SH3PXD2B: variants seen among roughly 807,000 people sequenced by gnomAD.
SH3PXD2B encodes SH3 and PX domains 2B, also known as SH3 and PX domain-containing protein 2B.
In SH3PXD2B, 37 loss-of-function variants were observed where a neutral mutation model predicts 73.1. The ratio of observed to expected loss-of-function variants is 0.51; its 90% CI spans 0.39 to 0.67. The LOEUF is 0.67. Among genes scored for constraint, SH3PXD2B ranks in the 30% least tolerant of loss-of-function variants. SH3PXD2B has a pLI of 0.00. For missense variants in SH3PXD2B, 1,053 were observed against 1,197.8 expected (o/e 0.88, Z 1.78); for synonymous variants, 457 against 480.5 (o/e 0.95, Z 0.64).
At chr5:172,409,049 T>C (rs369276269) in intron 2 of SH3PXD2B, among the ~76,000 whole-genome samples, 2 of 152,108 alleles carry the variant, frequency 1.3e-5, no homozygotes, top group African/African-American at 4.8e-5. Context: ...AACTATATAA[T>C]ACGCTATTGT....
chr5:172,434,277 A>T (rs1251716627), intron 1 of SH3PXD2B, among the ~76,000 whole-genome samples: 3 of 152,150 alleles, frequency 2.0e-5, no homozygotes, highest in Non-Finnish European at 4.4e-5. Flanking sequence ...ATATAAAAAG[A>T]TTTAAGCCAG....
chr5:172,336,204 CAT>C lies in SH3PXD2B; in HGVS notation c.*2163_*2164del, dbSNP rs1202869476. 2.8e-5 allele frequency: 28 copies of C among 985,452 alleles called. No homozygotes were observed. The highest frequency in any genetic ancestry group is 3.3e-5 in the Non-Finnish European group (27 of 830,016). The allele number at this position is 985,452 out of a possible 1,614,324, so 61.0% of individuals were successfully genotyped here. ...AGGCAAAGAGCAAATCAGAAAAAAACATGTGTTTTGTCTTTTGAAATGCAGTC... is the reference window on the plus strand; with the variant it reads ...AGGCAAAGAGCAAATCAGAAAAAAACGTGTTTTGTCTTTTGAAATGCAGTC... On this transcript the variant is annotated 3_prime_UTR_variant, in exon 13 of 13. Coordinates refer to ENST00000311601, the MANE Select transcript of SH3PXD2B (RefSeq NM_001017995.3).
intron 1 of SH3PXD2B, among the ~76,000 whole-genome samples, chr5:172,444,665 C>G (rs1213671209): frequency 2.0e-5 from 3 of 152,178 alleles, no homozygotes; most frequent in African/African-American, 4.8e-5. Flanking sequence ...TTCCCTCTCT[C>G]CCTCCATCTC....
rs1323842374 is a variant in SH3PXD2B at position 172,408,795 on chromosome 5, A to AT, written c.157-2444dup. On this transcript the variant is annotated intron_variant, in intron 2 of 12. Coordinates refer to ENST00000311601, the MANE Select transcript of SH3PXD2B (RefSeq NM_001017995.3). ...TGCCTCGGCCTCTCAAACTGCTGGGATTACAGACATGAGCCACCACGCCTG... is the reference window on the plus strand; with the variant it reads ...TGCCTCGGCCTCTCAAACTGCTGGGATTTACAGACATGAGCCACCACGCCTG... 2.0e-5 allele frequency among the ~76,000 whole-genome samples: 3 copies of AT among 152,030 alleles called. No homozygotes were observed. In the South Asian group the frequency reaches 6.2e-4, roughly 32 times the overall value.
At chr5:172,392,170 T>C (rs1758205703) in intron 4 of SH3PXD2B, among the ~76,000 whole-genome samples, 1 of 152,158 alleles carries the variant, frequency 6.6e-6, no homozygotes, top group Non-Finnish European at 1.5e-5. Flanking sequence ...ATGGGATCTT[T>C]AAAGAGGTAA....
intron 1 of SH3PXD2B, among the ~76,000 whole-genome samples, chr5:172,441,122 A>G (rs1303365746): frequency 6.6e-6 from 1 of 152,248 alleles, no homozygotes; most frequent in East Asian, 1.9e-4. Context: ...CCCAGGGGCT[A>G]GAGGATCTCA....
intron 1 of SH3PXD2B, among the ~76,000 whole-genome samples, chr5:172,428,418 G>A (rs908207270): frequency 2.0e-5 from 3 of 152,176 alleles, no homozygotes; most frequent in Admixed American, 6.5e-5. Context: ...AAAAAATAGC[G>A]ACAATAACAA....
chr5:172,439,003 C>T (rs1759456568), intron 1 of SH3PXD2B, among the ~76,000 whole-genome samples: 3 of 151,380 alleles, frequency 2.0e-5, no homozygotes, highest in Admixed American at 6.6e-5. Flanking sequence ...CTTTGGGAGG[C>T]CAAGGCGGGC....
At chr5:172,442,552 C>G (rs1386121313) in intron 1 of SH3PXD2B, among the ~76,000 whole-genome samples, 1 of 152,058 alleles carries the variant, frequency 6.6e-6, no homozygotes, top group East Asian at 1.9e-4. Flanking sequence ...GCTGAATATC[C>G]AAATATATAA....
intron 4 of SH3PXD2B, among the ~76,000 whole-genome samples, chr5:172,389,218 G>A (rs951259580): frequency 1.3e-5 from 2 of 151,824 alleles, no homozygotes. Context: ...ACCACACCTG[G>A]ATAATTTTTA....
At chr5:172,446,097 C>G (rs1267697197) in intron 1 of SH3PXD2B, among the ~76,000 whole-genome samples, 1 of 152,114 alleles carries the variant, frequency 6.6e-6, no homozygotes, top group Admixed American at 6.5e-5. Flanking sequence ...GCCAGCTGAC[C>G]CCCCCGACAA....
Position 172,384,760 on chromosome 5 carries a change from T to C in SH3PXD2B, c.310-2633A>G, listed in dbSNP as rs1049448516. The stretch of plus-strand genomic sequence containing the variant: ...ATTTTGCTTATCATTCACCTGTCGA[T>C]GGACACTTGGGTTGCCAACCCTACA... On this transcript the variant is annotated intron_variant, in intron 4 of 12. Transcript: ENST00000311601. Among the ~76,000 whole-genome samples, 11 of 152,328 alleles carry C rather than the reference T, an allele frequency of 7.2e-5. No homozygotes were observed. In the East Asian group the frequency reaches 1.7e-3, roughly 24 times the overall value.
intron 1 of SH3PXD2B, 47 bp downstream of exon 1, chr5:172,454,231 C>A (rs771100778): frequency 1.3e-6 from 2 of 1,543,844 alleles, no homozygotes; most frequent in South Asian, 2.3e-5. Context: ...CGGTCGCCCC[C>A]GACGGGGCGC....
intron 1 of SH3PXD2B, among the ~76,000 whole-genome samples, chr5:172,424,785 T>C (rs887319092): frequency 1.3e-5 from 2 of 151,770 alleles, no homozygotes; most frequent in African/African-American, 4.9e-5. Flanking sequence ...CTTTCTTATC[T>C]GGTAAAATGG....
At chr5:172,416,278 G>A (rs1445693486) in intron 2 of SH3PXD2B, among the ~76,000 whole-genome samples, 1 of 151,966 alleles carries the variant, frequency 6.6e-6, no homozygotes, top group Admixed American at 6.6e-5. Context: ...CAAGTGAGCT[G>A]TGATGGCGCC....
intron 1 of SH3PXD2B, among the ~76,000 whole-genome samples, chr5:172,448,952 G>C (rs1759734965): frequency 6.6e-6 from 1 of 152,212 alleles, no homozygotes; most frequent in Non-Finnish European, 1.5e-5. Context: ...CAGATCCATG[G>C]TTTGTTCTAG....
intron 1 of SH3PXD2B, among the ~76,000 whole-genome samples, chr5:172,425,175 G>A (rs11134748): frequency 0.35 from 52,652 of 151,962 alleles, 9,739 homozygotes; most frequent in East Asian, 0.67. Flanking sequence ...CTGCTTCACC[G>A]AGACTCCAGC....
intron 3 of SH3PXD2B, among the ~76,000 whole-genome samples, chr5:172,405,505 G>A (rs1363923510): frequency 6.6e-6 from 1 of 152,238 alleles, no homozygotes. Context: ...CCTGTGATGA[G>A]GGATGTGGGA....
chr5:172,449,849 C>T (rs1759753925), intron 1 of SH3PXD2B, among the ~76,000 whole-genome samples: 1 of 152,184 alleles, frequency 6.6e-6, no homozygotes, highest in Non-Finnish European at 1.5e-5. Context: ...CTGGAAACAT[C>T]CTAACAGTTC....
Sources: allele counts gnomAD v4.1 joint callset (sites outside exome capture counted in the v4.1 genomes callset), GRCh38; gene constraint gnomAD v4.1.1; transcripts MANE v1.5; gene names NCBI Gene and HGNC (gene_info 2026-07-23, HGNC 2026-07-21).